Variants in ZCCHC14 observed in about 807,000 individuals in gnomAD.
The protein encoded by ZCCHC14 is zinc finger CCHC domain-containing protein 14.
A neutral mutation model predicts 85.0 loss-of-function variants in ZCCHC14; 16 were observed. That is an observed-to-expected ratio of 0.19 (90% CI 0.13 to 0.29). The LOEUF is 0.29. Among genes scored for constraint, ZCCHC14 ranks in the 10% least tolerant of loss-of-function variants. The pLI is 1.00. For missense variants in ZCCHC14, 1,303 were observed against 1,443.5 expected, an observed-to-expected ratio of 0.90 and a Z score of 1.58; for synonymous variants, 775 against 630.7, an observed-to-expected ratio of 1.23 and a Z score of -3.43.
Position 87,412,003 on chromosome 16 carries a change from A to C in ZCCHC14, c.2718T>G (p.His906Gln), listed in dbSNP as rs752491752. 5 of 1,609,298 alleles carry C rather than the reference A, an allele frequency of 3.1e-6. No homozygotes were observed. Among genetic ancestry groups the C allele is most frequent in the South Asian group, 1.1e-5 (1 of 91,028 alleles). The change falls in exon 12 of 13, where the codon CAT becomes CAG. Residue 906 changes from histidine to glutamine, a missense_variant. His to Gln is a conservative substitution (Grantham distance 24). Coordinates refer to ENST00000671377, the MANE Select transcript of ZCCHC14 (RefSeq NM_015144.3). ...SNPNHHHHHH[H>Q]QQPPAPPQPA... ...GCTGCGGGGGTGCCGGGGGCTGCTG[A>C]TGGTGGTGGTGGTGGTGGTGGTTCG... is the stretch of plus-strand genomic sequence containing the variant.
At chr16:87,444,137 T>G (rs1417862581) in intron 2 of ZCCHC14, among the ~76,000 whole-genome samples, 1 of 149,410 alleles carries the variant, frequency 6.7e-6, no homozygotes, top group Non-Finnish European at 1.5e-5. Context: ...GCAGCCACAC[T>G]CCATCAGCAG....
chr16:87,491,915 C>T lies in ZCCHC14; in HGVS notation c.324G>A (p.Thr108=). The T allele has an allele frequency of 4.0e-6, 6 of 1,499,576 alleles. No homozygotes were observed. The highest frequency in any genetic ancestry group is 5.3e-6 in the Non-Finnish European group (6 of 1,131,640). 92.9% of individuals were successfully genotyped at this position (1,499,576 alleles called of 1,614,324 possible). A position where few individuals can be genotyped will look rare whatever the true frequency, so the allele number is the denominator to read the frequency against. The change falls in exon 1 of 13, where the codon ACG becomes ACA. Residue 108 remains threonine, a synonymous_variant. Transcript: ENST00000671377. This position sits in a 1 kb window ranked among gnomAD's most constrained non-coding sequence, Gnocchi z 5.9. ...GGATGATGGAGTCGATGTGCGTGAG[C>T]GTGCGGTAGAGCACGCCCGCCGCCT... The part of the protein sequence containing the change: ...QREAAGVLYR[T]LTHIDSIIHN...
chr16:87,481,476 G>A (rs1190200934), intron 1 of ZCCHC14, among the ~76,000 whole-genome samples: 10 of 145,946 alleles, frequency 6.9e-5, no homozygotes, highest in Admixed American at 1.4e-4. Context: ...TGCGTCCAGA[G>A]AAGTGTGCCA....
intron 1 of ZCCHC14, among the ~76,000 whole-genome samples, chr16:87,487,152 T>C (rs768495091): frequency 6.6e-6 from 1 of 152,182 alleles, no homozygotes; most frequent in Non-Finnish European, 1.5e-5. Context: ...TTTGTGTCTA[T>C]CTGAAGTTTC....
At chr16:87,470,666 A>T (rs1217478573) in intron 1 of ZCCHC14, 1 of 152,200 alleles carries the variant, frequency 6.6e-6, no homozygotes, top group African/African-American at 2.4e-5. Context: ...AACAACATAA[A>T]CATCCCAGCA....
chr16:87,413,021 C>T (rs760173313), intron 11 of ZCCHC14, 34 bp downstream of exon 11: 3 of 1,614,046 alleles, frequency 1.9e-6, no homozygotes, highest in Middle Eastern at 1.6e-4. Flanking sequence ...CACAGCTGGG[C>T]CAGGTCGAGC....
At chr16:87,419,337 G>A (rs1908966161) in intron 6 of ZCCHC14, among the ~76,000 whole-genome samples, 1 of 151,768 alleles carries the variant, frequency 6.6e-6, no homozygotes, top group African/African-American at 2.4e-5. Context: ...GACTTGCTCT[G>A]TCAACCATGC....
Position 87,420,700 on chromosome 16 carries a change from G to T in ZCCHC14, c.857C>A (p.Pro286His), listed in dbSNP as rs746218216. ...AATGAGTTTCTCCAAGTTCTCTTCA[G>T]GATAGAGCTGACATAGCTGGAAGAG... is the stretch of plus-strand genomic sequence containing the variant. ...EFISKLCQLY[P>H]EENLEKLIPC... Residue 286 changes from proline (P) to histidine (H), a missense_variant, in exon 5 of 13, where the codon CCT (proline) becomes CAT (histidine). Around this residue, in one of 7 missense-constraint regions of ZCCHC14, gnomAD observed 389 missense variants for 397.8 expected, o/e 0.98. Transcript: ENST00000671377. This position sits in a 1 kb window ranked among gnomAD's most constrained non-coding sequence, Gnocchi z 5.0. 9 of 1,613,102 alleles carry T rather than the reference G, an allele frequency of 5.6e-6. No individual in the cohort carries two copies. The highest frequency in any genetic ancestry group is 7.6e-6 in the Non-Finnish European group (9 of 1,179,598).
chr16:87,434,605 G>A (rs956248992), intron 2 of ZCCHC14, among the ~76,000 whole-genome samples: 2 of 152,188 alleles, frequency 1.3e-5, no homozygotes, highest in Admixed American at 6.5e-5. Flanking sequence ...AAGACCGCCT[G>A]GTCTCCTGCA....
chr16:87,444,271 T>A (rs1910328911), intron 2 of ZCCHC14, among the ~76,000 whole-genome samples: 1 of 152,160 alleles, frequency 6.6e-6, no homozygotes, highest in Non-Finnish European at 1.5e-5. Context: ...TCTTGTTATG[T>A]CAGAAAGCAA....
At chr16:87,447,810 T>C (rs1277918802) in intron 2 of ZCCHC14, among the ~76,000 whole-genome samples, 1 of 152,228 alleles carries the variant, frequency 6.6e-6, no homozygotes, top group East Asian at 1.9e-4. Context: ...CATTTAATCC[T>C]CCCATCAGCT....
rs141392147 is a variant in ZCCHC14 at position 87,487,903 on chromosome 16, G to A, written c.570+3766C>T. On this transcript the variant is annotated intron_variant, in intron 1 of 12. Coordinates refer to ENST00000671377, the MANE Select transcript of ZCCHC14 (RefSeq NM_015144.3). ...AGTCACAAAGGGCCACACGGTGTGT[G>A]GTCCCCTTATATGCAACGTCCAAAA... 4.2e-3 allele frequency among the ~76,000 whole-genome samples: 637 copies of A among 151,822 alleles called. 3 individuals carry two copies. The highest frequency in any genetic ancestry group is 0.014 in the African/African-American group (594 of 41,344).
intron 12 of ZCCHC14, among the ~76,000 whole-genome samples, chr16:87,410,869 TG>T (rs1237963223): frequency 6.6e-6 from 1 of 152,210 alleles, no homozygotes; most frequent in Non-Finnish European, 1.5e-5. Flanking sequence ...TAGAAGCAAC[TG>T]GAAGTCTGCA....
intron 2 of ZCCHC14, among the ~76,000 whole-genome samples, chr16:87,452,586 AAAGCCAGGC>A (rs1483983782): frequency 1.3e-5 from 2 of 152,190 alleles, no homozygotes; most frequent in Non-Finnish European, 2.9e-5. Flanking sequence ...AGGCAAGGGG[AAAGCCAGGC>A]AAGGGTGTTC....
At chr16:87,466,673 T>C (rs1164255001) in intron 1 of ZCCHC14, among the ~76,000 whole-genome samples, 1 of 152,210 alleles carries the variant, frequency 6.6e-6, no homozygotes, top group Non-Finnish European at 1.5e-5. Flanking sequence ...TGAAGGAGAC[T>C]TGAAGACGCT....
intron 2 of ZCCHC14, among the ~76,000 whole-genome samples, chr16:87,449,083 G>A (rs530080828): frequency 1.9e-3 from 286 of 152,280 alleles, no homozygotes; most frequent in Admixed American, 0.016. Context: ...CAGCCACTAC[G>A]GCCTGAACAG....
intron 1 of ZCCHC14, among the ~76,000 whole-genome samples, chr16:87,463,642 A>C (rs1911379646): frequency 6.6e-6 from 1 of 152,190 alleles, no homozygotes; most frequent in East Asian, 1.9e-4. Flanking sequence ...AACATGGTGA[A>C]TGAAACCTCG....
chr16:87,418,117 G>T lies in ZCCHC14; in HGVS notation c.1101-375C>A, dbSNP rs975179263. Among the ~76,000 whole-genome samples, 6 of 152,136 alleles carry T rather than the reference G, an allele frequency of 3.9e-5. No homozygotes were observed. The South Asian group carries it at 1.2e-3, about 32-fold the overall frequency. ...TTTAGCTGCCAAGTTTCTGTTACTT[G>T]TATTTTTTAAAAACATGCTACTCCG... On this transcript the variant is annotated intron_variant, in intron 7 of 12. Transcript: ENST00000671377.
At chr16:87,470,818 G>C (rs545729981) in intron 1 of ZCCHC14, 1 of 152,298 alleles carries the variant, frequency 6.6e-6, no homozygotes, top group Admixed American at 6.5e-5. Flanking sequence ...CAGGCACTGA[G>C]AAAAGACAAA....
Sources: gnomAD v4.1 joint callset for allele counts (sites outside exome capture counted in the v4.1 genomes callset) on GRCh38, gnomAD v4.1.1 for gene constraint, gnomAD v4.1.1 regional missense constraint, Gnocchi (gnomAD v3.1) non-coding constraint, MANE v1.5 for transcripts, NCBI Gene and HGNC (gene_info 2026-07-23, HGNC 2026-07-21) for gene names.